The following KCNIP4 variants were observed in gnomAD, a reference collection of about 807,000 sequenced individuals.
KCNIP4 encodes the protein Kv channel-interacting protein 4.
KCNIP4 carries 12 observed loss-of-function variants against 34.0 expected under a neutral mutation model. The ratio of observed to expected loss-of-function variants is 0.35; its 90% CI spans 0.23 to 0.57. The LOEUF is 0.57. Ranked by LOEUF, KCNIP4 falls within the 20% of genes least tolerant of loss-of-function variation. The pLI is 0.83. For synonymous variants in KCNIP4, 124 were observed against 102.2 expected, an observed-to-expected ratio of 1.21 and a Z score of -1.29; for missense variants, 238 against 311.7, an observed-to-expected ratio of 0.76 and a Z score of 1.78.
chr4:21,828,017 T>TAA lies in KCNIP4; in HGVS notation c.61+120552_61+120553dup, dbSNP rs35665027. Among the ~76,000 whole-genome samples, 377 of 144,440 alleles carry TAA rather than the reference T, an allele frequency of 2.6e-3. 1 individual carries two copies. The highest frequency in any genetic ancestry group is 8.2e-3 in the African/African-American group (327 of 39,740). 94.8% of individuals were successfully genotyped at this position (144,440 alleles called of 152,430 possible). ...AAAGGCACCATTAATGAGAGTCATGTAAAAAAAAAAAAACCTGTAGAAACA... is the reference window on the plus strand; with the variant it reads ...AAAGGCACCATTAATGAGAGTCATGTAAAAAAAAAAAAAAACCTGTAGAAACA... On this transcript the variant is annotated intron_variant, in intron 1 of 8. Coordinates refer to ENST00000382152, the MANE Select transcript of KCNIP4 (RefSeq NM_025221.6).
intron 1 of KCNIP4, among the ~76,000 whole-genome samples, chr4:21,397,859 G>T (rs2109539239): frequency 6.6e-6 from 1 of 151,390 alleles, no homozygotes; most frequent in South Asian, 2.1e-4. Flanking sequence ...TTGAAGATGG[G>T]TGATGGACTA....
At chr4:21,102,404 G>A (rs1011557375) in intron 1 of KCNIP4, among the ~76,000 whole-genome samples, 2 of 152,154 alleles carry the variant, frequency 1.3e-5, no homozygotes, top group African/African-American at 2.4e-5. Context: ...AGAGAAAATT[G>A]TGGAAGAAAA....
chr4:21,257,314 G>A (rs1255901263), intron 1 of KCNIP4, among the ~76,000 whole-genome samples: 1 of 152,118 alleles, frequency 6.6e-6, no homozygotes, highest in Non-Finnish European at 1.5e-5. Context: ...ATTCATTCAT[G>A]TTTTGTTTCC....
chr4:21,165,869 C>A (rs1753594150), intron 1 of KCNIP4, among the ~76,000 whole-genome samples: 1 of 152,134 alleles, frequency 6.6e-6, no homozygotes, highest in African/African-American at 2.4e-5. Context: ...GATGACTTGG[C>A]CATGCTGGCT....
intron 1 of KCNIP4, among the ~76,000 whole-genome samples, chr4:21,599,355 G>T (rs894915228): frequency 4.0e-5 from 6 of 151,826 alleles, no homozygotes; most frequent in Middle Eastern, 6.3e-3. Flanking sequence ...TAATAATTAT[G>T]ATTTACTATT....
intron 1 of KCNIP4, among the ~76,000 whole-genome samples, chr4:21,401,391 T>A (rs1038277134): frequency 1.3e-5 from 2 of 152,220 alleles, no homozygotes; most frequent in Non-Finnish European, 2.9e-5. Flanking sequence ...AAATCTCCGA[T>A]GCCCATGTAC....
intron 1 of KCNIP4, among the ~76,000 whole-genome samples, chr4:21,917,052 T>A (rs1255235707): frequency 6.6e-6 from 1 of 152,222 alleles, no homozygotes; most frequent in Non-Finnish European, 1.5e-5. Flanking sequence ...TCCTCTGTGG[T>A]CCATTCCTTA....
chr4:21,014,414 T>C (rs953957864), intron 1 of KCNIP4, among the ~76,000 whole-genome samples: 7 of 152,136 alleles, frequency 4.6e-5, no homozygotes, highest in African/African-American at 1.4e-4. Flanking sequence ...AAAGGAAACA[T>C]CCAAATTTAT....
chr4:21,505,031 A>G (rs752964897), intron 1 of KCNIP4, among the ~76,000 whole-genome samples: 2 of 152,198 alleles, frequency 1.3e-5, no homozygotes, highest in South Asian at 2.1e-4. Context: ...TGCTCTAGAC[A>G]TTTAAGTAAT....
At chr4:21,454,656 G>T (rs1201784196) in intron 1 of KCNIP4, among the ~76,000 whole-genome samples, 1 of 152,052 alleles carries the variant, frequency 6.6e-6, no homozygotes, top group African/African-American at 2.4e-5. Flanking sequence ...CATCCATTTT[G>T]CCAGTGCAAC....
chr4:21,778,937 T>A (rs1373606056), intron 1 of KCNIP4, among the ~76,000 whole-genome samples: 1 of 152,110 alleles, frequency 6.6e-6, no homozygotes, highest in Non-Finnish European at 1.5e-5. Context: ...ATTGCATTAG[T>A]ACCCACTTCC....
intron 2 of KCNIP4, among the ~76,000 whole-genome samples, chr4:20,852,027 A>AATTC (rs1721087499): frequency 6.6e-6 from 1 of 152,152 alleles, no homozygotes; most frequent in Admixed American, 6.5e-5. Flanking sequence ...ACAAACAATC[A>AATTC]AACAAACAAA....
chr4:21,155,533 G>C (rs765570650), intron 1 of KCNIP4, among the ~76,000 whole-genome samples: 1 of 152,138 alleles, frequency 6.6e-6, no homozygotes, highest in African/African-American at 2.4e-5. Context: ...TGGGAGTGAG[G>C]AGGAGCAGTT....
At chr4:21,561,368 G>GT (rs1739474794) in intron 1 of KCNIP4, among the ~76,000 whole-genome samples, 1 of 151,970 alleles carries the variant, frequency 6.6e-6, no homozygotes, top group Non-Finnish European at 1.5e-5. Context: ...GAAAGAGGGA[G>GT]TTTAAGGGAG....
intron 1 of KCNIP4, among the ~76,000 whole-genome samples, chr4:21,100,228 A>T (rs1042057060): frequency 6.6e-6 from 1 of 152,108 alleles, no homozygotes; most frequent in Non-Finnish European, 1.5e-5. Context: ...GTCAGTGGGG[A>T]AACAAATTTC....
intron 1 of KCNIP4, among the ~76,000 whole-genome samples, chr4:21,282,420 A>T (rs1347867163): frequency 6.6e-6 from 1 of 151,766 alleles, no homozygotes; most frequent in Non-Finnish European, 1.5e-5. Context: ...ATATACAAGC[A>T]TTTGTGATGT....
At chr4:21,038,715 AACTAGCAC>A (rs1246955217) in intron 1 of KCNIP4, among the ~76,000 whole-genome samples, 1 of 152,254 alleles carries the variant, frequency 6.6e-6, no homozygotes, top group Non-Finnish European at 1.5e-5. Flanking sequence ...ATGTGCATTC[AACTAGCAC>A]ACATTAAATT....
At chr4:21,581,164 C>T (rs1290409748) in intron 1 of KCNIP4, among the ~76,000 whole-genome samples, 1 of 151,890 alleles carries the variant, frequency 6.6e-6, no homozygotes, top group Admixed American at 6.6e-5. Flanking sequence ...GGTGAAACAT[C>T]ATTATATTTC....
At chr4:21,693,977 A>T (rs1449401294) in intron 1 of KCNIP4, among the ~76,000 whole-genome samples, 1 of 152,164 alleles carries the variant, frequency 6.6e-6, no homozygotes, top group Non-Finnish European at 1.5e-5. Context: ...ATTCTTGATA[A>T]TGGAAAAATG....
Sources: allele counts gnomAD v4.1 joint callset (sites outside exome capture counted in the v4.1 genomes callset), GRCh38; gene constraint gnomAD v4.1.1; transcripts MANE v1.5; gene names NCBI Gene and HGNC (gene_info 2026-07-23, HGNC 2026-07-21).